PCDH15: variants seen among roughly 807,000 people sequenced by gnomAD.
PCDH15 encodes the protein protocadherin-15.
In PCDH15, 129 loss-of-function variants were observed where a neutral mutation model predicts 178.5. The observed-to-expected ratio is 0.72, with a 90% CI of 0.63 to 0.84. The LOEUF is 0.84. Among genes scored for constraint, PCDH15 ranks in the 40% least tolerant of loss-of-function variants. The pLI, the probability that PCDH15 is intolerant of heterozygous loss-of-function variation, is 0.00. For missense variants in PCDH15, 2,230 were observed against 2,099.9 expected (o/e 1.06, Z -1.21); for synonymous variants, 800 against 732.0 (o/e 1.09, Z -1.50).
chr10:54,472,089 G>A (rs1024911723), intron 3 of PCDH15, among the ~76,000 whole-genome samples: 1 of 152,046 alleles, frequency 6.6e-6, no homozygotes, highest in African/African-American at 2.4e-5. Flanking sequence ...TATGAATAAG[G>A]TCTAAAAGAG....
chr10:53,827,880 T>C (rs1351993319), intron 31 of PCDH15, among the ~76,000 whole-genome samples: 4 of 152,192 alleles, frequency 2.6e-5, no homozygotes, highest in Admixed American at 1.3e-4. Context: ...TTAATGAATC[T>C]CTTTCATAAG....
chr10:54,350,332 C>T (rs1431614140), intron 5 of PCDH15, among the ~76,000 whole-genome samples: 1 of 152,140 alleles, frequency 6.6e-6, no homozygotes, highest in Non-Finnish European at 1.5e-5. Context: ...TTGCTCTCCT[C>T]CATAGTTCCA....
chr10:53,995,015 T>G (rs1410809680), intron 21 of PCDH15: 1 of 152,006 alleles, frequency 6.6e-6, no homozygotes, highest in Non-Finnish European at 1.5e-5. Flanking sequence ...ATTTAAATCA[T>G]CAGGATAATA....
At chr10:53,888,474 T>A (rs1447937354) in intron 26 of PCDH15, among the ~76,000 whole-genome samples, 4 of 142,744 alleles carry the variant, frequency 2.8e-5, no homozygotes, top group Admixed American at 1.4e-4. Context: ...AGTTCAGATG[T>A]AATAGATAGA....
intron 2 of PCDH15, among the ~76,000 whole-genome samples, chr10:54,999,928 A>G (rs4558080): frequency 0.73 from 111,681 of 152,044 alleles, 41,162 homozygotes; most frequent in East Asian, 0.87. Flanking sequence ...TTCAAAAGGA[A>G]AGGGAATGTA....
At chr10:53,976,125 T>C (rs2090161874) in intron 21 of PCDH15, among the ~76,000 whole-genome samples, 1 of 152,180 alleles carries the variant, frequency 6.6e-6, no homozygotes, top group South Asian at 2.1e-4. Context: ...CACTGGTCTA[T>C]GTGTTTGTTT....
intron 8 of PCDH15, among the ~76,000 whole-genome samples, chr10:54,261,041 T>C (rs945911744): frequency 6.6e-6 from 1 of 152,210 alleles, no homozygotes; most frequent in African/African-American, 2.4e-5. Flanking sequence ...TTTCTGCACA[T>C]ATTTTCTATT....
At chr10:54,784,361 G>T (rs931614899) in intron 1 of PCDH15, among the ~76,000 whole-genome samples, 1 of 150,642 alleles carries the variant, frequency 6.6e-6, no homozygotes. Flanking sequence ...CAAGAGAAAA[G>T]TGTTGTCACA....
intron 21 of PCDH15, among the ~76,000 whole-genome samples, chr10:53,988,977 G>A (rs916254169): frequency 5.9e-5 from 9 of 152,116 alleles, no homozygotes; most frequent in Non-Finnish European, 1.2e-4. Context: ...CTGTCACAAG[G>A]TCAAACATCT....
chr10:53,972,797 T>G (rs4465288), intron 21 of PCDH15, among the ~76,000 whole-genome samples: 107,254 of 151,984 alleles, frequency 0.71, 38,232 homozygotes, highest in East Asian at 0.87. Context: ...AACAACAGGT[T>G]CTGGAGAGGA....
At chr10:53,973,299 G>A (rs1297233790) in intron 21 of PCDH15, among the ~76,000 whole-genome samples, 1 of 123,164 alleles carries the variant, frequency 8.1e-6, no homozygotes, top group Non-Finnish European at 1.7e-5. Flanking sequence ...CATGGGGTGG[G>A]GGGAGGGGGG....
At chr10:54,608,667 G>A (rs895290797) in intron 2 of PCDH15, among the ~76,000 whole-genome samples, 1 of 151,940 alleles carries the variant, frequency 6.6e-6, no homozygotes, top group East Asian at 1.9e-4. Context: ...ACTTAGTCTG[G>A]TAATATTCGT....
chr10:53,963,588 T>A (rs1394497320), intron 21 of PCDH15, among the ~76,000 whole-genome samples: 3 of 152,174 alleles, frequency 2.0e-5, no homozygotes, highest in African/African-American at 7.2e-5. Flanking sequence ...TCCAAACTAG[T>A]ACACATAATT....
intron 18 of PCDH15, among the ~76,000 whole-genome samples, chr10:54,030,087 A>C (rs777450328): frequency 1.3e-5 from 2 of 152,118 alleles, no homozygotes; most frequent in Non-Finnish European, 2.9e-5. Context: ...GCCCCAAGGA[A>C]ATAACTTGAG....
intron 2 of PCDH15, among the ~76,000 whole-genome samples, chr10:54,609,594 C>T (rs901123911): frequency 1.3e-5 from 2 of 151,808 alleles, no homozygotes; most frequent in African/African-American, 4.8e-5. Context: ...CATTAAAGAC[C>T]ATAAAATAAC....
chr10:54,359,066 C>T (rs1290941281), intron 5 of PCDH15, among the ~76,000 whole-genome samples: 3 of 150,434 alleles, frequency 2.0e-5, no homozygotes, highest in Non-Finnish European at 4.4e-5. Context: ...TGCTAAATGA[C>T]GAGTTAATGG....
chr10:55,581,090 G>T (rs946354638), intron 2 of PCDH15, among the ~76,000 whole-genome samples: 3 of 152,114 alleles, frequency 2.0e-5, no homozygotes, highest in Non-Finnish European at 4.4e-5. Flanking sequence ...TATTTTGAAT[G>T]TACATAATAC....
At chr10:54,644,795 G>A (rs2094086413) in intron 2 of PCDH15, among the ~76,000 whole-genome samples, 1 of 152,250 alleles carries the variant, frequency 6.6e-6, no homozygotes, top group Admixed American at 6.5e-5. Flanking sequence ...TTAAGAGGTT[G>A]GGCCCTTAGG....
chr10:54,689,282 A>T (rs2095071716), intron 1 of PCDH15, among the ~76,000 whole-genome samples: 1 of 152,190 alleles, frequency 6.6e-6, no homozygotes, highest in African/African-American at 2.4e-5. Context: ...ATACATATGC[A>T]AAGTGTATTA....
Sources: allele counts gnomAD v4.1 joint callset (sites outside exome capture counted in the v4.1 genomes callset), GRCh38; gene constraint gnomAD v4.1.1; transcripts MANE v1.5; gene names NCBI Gene and HGNC (gene_info 2026-07-23, HGNC 2026-07-21).